The following ATP8B4 variants were observed in gnomAD, a reference collection of about 807,000 sequenced individuals.
The protein encoded by ATP8B4 is ATPase phospholipid transporting 8B4 (putative), also known as probable phospholipid-transporting ATPase IM.
Under a neutral mutation model 145.6 loss-of-function variants are expected in ATP8B4, and 133 were observed. That is an observed-to-expected ratio of 0.91 (90% confidence interval 0.79 to 1.05). The LOEUF (loss-of-function observed/expected upper bound fraction) is 1.05, where lower values mean the gene tolerates loss of function less well. Ranked by LOEUF, ATP8B4 falls within the 50% of genes least tolerant of loss-of-function variation. The probability of loss-of-function intolerance (pLI) is 0.00; values close to 1 mark genes in which losing one functional copy is unlikely to be tolerated. For missense variants in ATP8B4, 1,458 were observed against 1,425.2 expected, an observed-to-expected ratio of 1.02 and a Z score of -0.37; for synonymous variants, 507 against 492.9, an observed-to-expected ratio of 1.03 and a Z score of -0.38.
chr15:50,102,395 G>C (rs796178744), intron 2 of ATP8B4, among the ~76,000 whole-genome samples: 1 of 152,018 alleles, frequency 6.6e-6, no homozygotes, highest in African/African-American at 2.4e-5. Flanking sequence ...AGCTCAATTA[G>C]AAATGAAACA....
chr15:50,077,178 A>G (rs41362650), intron 2 of ATP8B4, among the ~76,000 whole-genome samples: 27,917 of 152,188 alleles, frequency 0.18, 2,975 homozygotes, highest in Middle Eastern at 0.31. Flanking sequence ...TCCAGTTCCA[A>G]AAAGGAGTAA....
intron 6 of ATP8B4, among the ~76,000 whole-genome samples, chr15:50,029,426 A>G (rs931505151): frequency 3.9e-5 from 6 of 151,960 alleles, no homozygotes; most frequent in African/African-American, 1.5e-4. Context: ...GGGGCTATGT[A>G]ATTCCAATCT....
intron 1 of ATP8B4, among the ~76,000 whole-genome samples, chr15:50,153,429 C>T (rs553475023): frequency 6.6e-6 from 1 of 152,146 alleles, no homozygotes; most frequent in South Asian, 2.1e-4. Context: ...ACCTCCGCCC[C>T]CCAGGTTCAA....
chr15:50,059,593 A>G (rs764939725), intron 3 of ATP8B4, among the ~76,000 whole-genome samples: 2 of 152,130 alleles, frequency 1.3e-5, no homozygotes, highest in African/African-American at 2.4e-5. Flanking sequence ...CTCCTCCACC[A>G]TCTCATTTCA....
At chr15:49,988,976 G>A (rs2046848511) in intron 9 of ATP8B4, among the ~76,000 whole-genome samples, 1 of 152,122 alleles carries the variant, frequency 6.6e-6, no homozygotes, top group Admixed American at 6.5e-5. Context: ...ACCTCCACCT[G>A]TCTTTCCCCA....
chr15:49,997,436 C>G (rs903350314), intron 8 of ATP8B4, among the ~76,000 whole-genome samples: 1 of 152,124 alleles, frequency 6.6e-6, no homozygotes, highest in Non-Finnish European at 1.5e-5. Context: ...CCAGTTTTCT[C>G]ACTGAATTCA....
intron 10 of ATP8B4, 56 bp from the exon 11 acceptor site, chr15:49,981,350 T>G: frequency 7.7e-7 from 1 of 1,304,020 alleles, no homozygotes; most frequent in Non-Finnish European, 1.1e-6. Flanking sequence ...TGTATTCTTA[T>G]TAATGCTCAT....
intron 23 of ATP8B4, among the ~76,000 whole-genome samples, chr15:49,884,599 T>C (rs1170657149): frequency 2.7e-5 from 3 of 109,286 alleles, no homozygotes; most frequent in African/African-American, 1.1e-4. Context: ...TGAAATCCTG[T>C]CTCCAAAAAA....
In ATP8B4 at chr15:50,106,927, C is replaced by G; in HGVS notation, c.28+12G>C. 1 of 1,596,010 alleles carries G rather than the reference C, an allele frequency of 6.3e-7. No homozygotes were observed. The highest frequency in any genetic ancestry group is 1.2e-5 in the South Asian group (1 of 86,160). The stretch of plus-strand genomic sequence containing the variant: ...ATATCACTTTGCATCATTGGAAGAA[C>G]TCAAAACTTACCACGCAATTTCTTT... On this transcript the variant is annotated intron_variant, in intron 2 of 27. Coordinates refer to ENST00000284509, the MANE Select transcript of ATP8B4 (RefSeq NM_024837.4).
At chr15:49,863,402 A>G (rs1468119238) in intron 26 of ATP8B4, among the ~76,000 whole-genome samples, 1 of 152,192 alleles carries the variant, frequency 6.6e-6, no homozygotes, top group Non-Finnish European at 1.5e-5. Flanking sequence ...GGGTTTAAAC[A>G]AGGCAATACG....
chr15:50,057,892 AT>A (rs201425063), intron 3 of ATP8B4, among the ~76,000 whole-genome samples: 5 of 151,804 alleles, frequency 3.3e-5, no homozygotes, highest in Admixed American at 6.6e-5. Context: ...AATCACACTA[AT>A]TTTTTTTTCT....
chr15:49,978,613 CT>C (rs2045875128), intron 12 of ATP8B4, among the ~76,000 whole-genome samples: 1 of 152,096 alleles, frequency 6.6e-6, no homozygotes, highest in Non-Finnish European at 1.5e-5. Context: ...ATGATGAGAA[CT>C]GTCAACCAAC....
At chr15:50,117,847 C>T (rs2057199791) in intron 1 of ATP8B4, among the ~76,000 whole-genome samples, 1 of 152,156 alleles carries the variant, frequency 6.6e-6, no homozygotes, top group African/African-American at 2.4e-5. Flanking sequence ...CTATCATTTG[C>T]AGCAACATGG....
rs1243468868 is a variant in ATP8B4 at position 49,862,377 on chromosome 15, T to TATCA, written c.3167-6_3167-3dup. The TATCA allele has an allele frequency of 1.2e-6, 2 of 1,612,580 alleles. No individual in the cohort carries two copies. Among genetic ancestry groups the TATCA allele is most frequent in the African/African-American group, 1.3e-5 (1 of 74,908 alleles). On this transcript the variant is annotated splice_region_variant and splice_polypyrimidine_tract_variant and intron_variant, in intron 26 of 27. Coordinates refer to ENST00000284509, the MANE Select transcript of ATP8B4 (RefSeq NM_024837.4). ...GGGTCAGGGAATGTCGTGCATTACC[T>TATCA]ATCAATCATTAAAGAAAATATACAC... is the stretch of plus-strand genomic sequence containing the variant.
intron 10 of ATP8B4, among the ~76,000 whole-genome samples, chr15:49,982,245 G>A (rs2046220779): frequency 6.6e-6 from 1 of 152,012 alleles, no homozygotes; most frequent in Admixed American, 6.6e-5. Context: ...TTTTCTTTAT[G>A]TAAAAGAAAA....
chr15:49,897,790 G>A (rs1409553589), intron 22 of ATP8B4, among the ~76,000 whole-genome samples: 1 of 152,160 alleles, frequency 6.6e-6, no homozygotes. Context: ...TGGGTCTGGT[G>A]TTCTTTCCTC....
intron 8 of ATP8B4, among the ~76,000 whole-genome samples, chr15:50,000,846 T>C (rs986474264): frequency 6.6e-6 from 1 of 152,168 alleles, no homozygotes; most frequent in Non-Finnish European, 1.5e-5. Context: ...ACATTTGAAA[T>C]CAATTTCTGT....
At chr15:50,165,977 ACACACAC>A (rs1567415395) in intron 1 of ATP8B4, among the ~76,000 whole-genome samples, 39 of 149,790 alleles carry the variant, frequency 2.6e-4, no homozygotes, top group African/African-American at 9.3e-4. Flanking sequence ...GAGAACACAC[ACACACAC>A]ACACACACAC....
chr15:49,909,287 C>A (rs1232033104), intron 20 of ATP8B4, among the ~76,000 whole-genome samples: 1 of 152,188 alleles, frequency 6.6e-6, no homozygotes, highest in Non-Finnish European at 1.5e-5. Context: ...CCTGCCACTA[C>A]CACCACAGCT....
Sources: allele counts gnomAD v4.1 joint callset (sites outside exome capture counted in the v4.1 genomes callset), GRCh38; gene constraint gnomAD v4.1.1; transcripts MANE v1.5; gene names NCBI Gene and HGNC (gene_info 2026-07-23, HGNC 2026-07-21).